PRKDC: variants seen among roughly 807,000 people sequenced by gnomAD.
PRKDC encodes DNA-dependent protein kinase catalytic subunit.
A neutral mutation model predicts 486.9 loss-of-function variants in PRKDC; 82 were observed. That is an observed-to-expected ratio of 0.17 (90% CI 0.14 to 0.20). The LOEUF is 0.20. PRKDC is among the 10% of genes least tolerant of loss of function. The pLI is 1.00. For synonymous variants in PRKDC, 1,895 were observed against 1,837.0 expected (o/e 1.03, Z -0.81); for missense variants, 4,504 against 5,038.2 (o/e 0.89, Z 3.21).
intron 9 of PRKDC, 23 bp downstream of exon 9, chr8:47,943,830 C>A (rs372587288): frequency 2.5e-5 from 38 of 1,542,612 alleles, no homozygotes; most frequent in South Asian, 8.4e-5. Context: ...AAATATTATA[C>A]CTCATTATAA....
chr8:47,921,812 C>A (rs2090076475), intron 21 of PRKDC, among the ~76,000 whole-genome samples: 1 of 152,226 alleles, frequency 6.6e-6, no homozygotes, highest in South Asian at 2.1e-4. Flanking sequence ...GAGACAGAGT[C>A]TTGCTCTGTC....
chr8:47,888,128 T>C (rs1321797805), intron 34 of PRKDC, among the ~76,000 whole-genome samples: 4 of 152,180 alleles, frequency 2.6e-5, no homozygotes, highest in Admixed American at 2.6e-4. Flanking sequence ...TCCTCCTATC[T>C]GAGCCTCCCA....
At chr8:47,948,902 T>C (rs982886893) in intron 7 of PRKDC, among the ~76,000 whole-genome samples, 7 of 152,230 alleles carry the variant, frequency 4.6e-5, no homozygotes, top group African/African-American at 1.7e-4. Flanking sequence ...GCTATATTAG[T>C]TTCCTAGTGT....
chr8:47,826,690 G>A lies in PRKDC; in HGVS notation c.8749C>T (p.Pro2917Ser), dbSNP rs764745644. 6.2e-7 allele frequency: 1 copy of A among 1,612,978 alleles called. No homozygotes were observed. The highest frequency in any genetic ancestry group is 1.7e-5 in the Admixed American group (1 of 60,010). ...TCCACCCATCTGAGGACATCAGGAGGGAGGCGGGCCTTCCCACGGACTCGC... is the reference window on the plus strand; with the variant it reads ...TCCACCCATCTGAGGACATCAGGAGAGAGGCGGGCCTTCCCACGGACTCGC... The part of the protein sequence containing the change: ...AKRVRGKARL[P>S]PDVLRWVELA... Residue 2917 changes from proline (P) to serine (S), a missense_variant, in exon 63 of 86, where the codon CCT becomes TCT. Around this residue, in one of 6 missense-constraint regions of PRKDC, gnomAD observed 1,592 missense variants for 1,724.6 expected, o/e 0.92. Transcript: ENST00000314191.
At chr8:47,850,661 TACG>T (rs2154500247) in intron 52 of PRKDC, among the ~76,000 whole-genome samples, 1 of 152,308 alleles carries the variant, frequency 6.6e-6, no homozygotes, top group Admixed American at 6.5e-5. Flanking sequence ...AAGTATTTAA[TACG>T]ACAACACAAT....
intron 80 of PRKDC, among the ~76,000 whole-genome samples, chr8:47,779,691 G>A (rs1301179387): frequency 6.6e-6 from 1 of 152,064 alleles, no homozygotes; most frequent in African/African-American, 2.4e-5. Context: ...ATGGATTCAA[G>A]TGATTCTCCT....
At position 47,929,886 on chromosome 8, in the gene PRKDC, T is replaced by G. The variant is rs889491557; in HGVS notation, c.2019A>C (p.Thr673=). The change falls in exon 18 of 86, where the codon ACA becomes ACC. Residue 673 remains threonine, a synonymous_variant. Coordinates refer to ENST00000314191, the MANE Select transcript of PRKDC (RefSeq NM_006904.7). ...ISGFYKLLSI[T]VRNAKKIKYF... is the part of the protein sequence containing the mutation. ...ATTTTATTTTCTTGGCATTTCTTAC[T>G]GTAATAGAAAGCAATTTGTAGAAAC... is the stretch of plus-strand genomic sequence containing the variant. 5.6e-6 allele frequency: 9 copies of G among 1,600,610 alleles called. No homozygotes were observed. Among genetic ancestry groups the G allele is most frequent in the African/African-American group, 1.3e-5 (1 of 74,124 alleles).
In PRKDC at chr8:47,923,212, C is replaced by T. The variant is rs536147127; in HGVS notation, c.2419+3982G>A. Among the ~76,000 whole-genome samples, 17 of 152,024 alleles carry T rather than the reference C, an allele frequency of 1.1e-4. No homozygotes were observed. In the South Asian group the frequency reaches 2.1e-3, roughly 19 times the overall value. ...CCAAGTAGCTGGGATTACAGGTGTG[C>T]GCCATCATGCCAGGCTAATTTTTTT... On this transcript the variant is annotated intron_variant, in intron 21 of 85. Transcript: ENST00000314191.
intron 61 of PRKDC, 54 bp from the exon 62 acceptor site, chr8:47,828,401 A>G (rs1160022268): frequency 4.3e-6 from 6 of 1,398,766 alleles, no homozygotes; most frequent in Non-Finnish European, 5.8e-6. Context: ...AAATGCTATA[A>G]ATCACCAATA....
intron 9 of PRKDC, 143 bp downstream of exon 9, chr8:47,943,710 C>A: frequency 1.3e-6 from 1 of 789,852 alleles, no homozygotes; most frequent in South Asian, 1.9e-5. Context: ...ACTAAGTCAC[C>A]GAAAGCCTCC....
chr8:47,806,004 G>A (rs778824314), intron 69 of PRKDC, among the ~76,000 whole-genome samples: 1 of 152,080 alleles, frequency 6.6e-6, no homozygotes. Flanking sequence ...TCCTGATCCC[G>A]GTAAGGATGC....
At chr8:47,913,072 G>A (rs1171293282) in intron 24 of PRKDC, among the ~76,000 whole-genome samples, 2 of 152,112 alleles carry the variant, frequency 1.3e-5, no homozygotes, top group African/African-American at 4.8e-5. Context: ...AAGCAATAAA[G>A]CATTTTAAAG....
intron 22 of PRKDC, among the ~76,000 whole-genome samples, chr8:47,916,154 G>GA (rs1332095302): frequency 6.6e-6 from 1 of 152,028 alleles, no homozygotes; most frequent in Non-Finnish European, 1.5e-5. Context: ...AATCTTATTA[G>GA]AAAAAAATCT....
chr8:47,804,381 C>A (rs2154498391), intron 69 of PRKDC, among the ~76,000 whole-genome samples: 1 of 150,554 alleles, frequency 6.6e-6, no homozygotes, highest in South Asian at 2.1e-4. Context: ...CTCACTGCAA[C>A]CTGTGCCTCC....
intron 24 of PRKDC, among the ~76,000 whole-genome samples, chr8:47,913,342 CCCTTTATGTT>C (rs761656546): frequency 1.3e-5 from 2 of 152,152 alleles, no homozygotes; most frequent in African/African-American, 2.4e-5. Context: ...CTCTCAAATG[CCCTTTATGTT>C]CCATTTTATA....
intron 68 of PRKDC, among the ~76,000 whole-genome samples, chr8:47,809,315 T>A (rs1293530010): frequency 6.6e-6 from 1 of 152,186 alleles, no homozygotes; most frequent in African/African-American, 2.4e-5. Context: ...CAGTGCTGGC[T>A]CATTCCCTAA....
At position 47,931,434 on chromosome 8, in the gene PRKDC, C is replaced by T. The variant is rs149700442; in HGVS notation, c.1777-647G>A. The stretch of plus-strand genomic sequence containing the variant: ...GGAAGCCACTGAAGACAGCAATGAA[C>T]ACACATGTTCTAAAATGCAGGTCTG... On this transcript the variant is annotated intron_variant, in intron 16 of 85. Coordinates refer to ENST00000314191, the MANE Select transcript of PRKDC (RefSeq NM_006904.7). Among the ~76,000 whole-genome samples, 651 of 151,660 alleles carry T rather than the reference C, an allele frequency of 4.3e-3. 3 individuals carry two copies. The highest frequency in any genetic ancestry group is 0.015 in the African/African-American group (605 of 41,342).
intron 28 of PRKDC, among the ~76,000 whole-genome samples, chr8:47,899,748 G>T (rs964808216): frequency 6.6e-6 from 1 of 152,166 alleles, no homozygotes; most frequent in African/African-American, 2.4e-5. Flanking sequence ...GAGCCTCTGT[G>T]CCCCAACTAC....
chr8:47,809,869 C>G (rs954111973), intron 68 of PRKDC, among the ~76,000 whole-genome samples: 4 of 151,026 alleles, frequency 2.6e-5, no homozygotes, highest in African/African-American at 9.7e-5. Context: ...CTCTGTCTTA[C>G]TCTCTTTTGC....
Sources: gnomAD v4.1 joint callset for allele counts (sites outside exome capture counted in the v4.1 genomes callset) on GRCh38, gnomAD v4.1.1 for gene constraint, gnomAD v4.1.1 regional missense constraint, MANE v1.5 for transcripts, NCBI Gene and HGNC (gene_info 2026-07-23, HGNC 2026-07-21) for gene names.